RANBP17: variants seen among roughly 807,000 people sequenced by gnomAD.
The protein encoded by RANBP17 is ran-binding protein 17.
In RANBP17, 158 loss-of-function variants were observed where a neutral mutation model predicts 141.2. The ratio of observed to expected loss-of-function variants is 1.12; its 90% confidence interval spans 0.98 to 1.28. The LOEUF (loss-of-function observed/expected upper bound fraction) is 1.28. Among genes scored for constraint, RANBP17 ranks in the 50% most tolerant of loss-of-function variants. RANBP17 has a pLI of 0.00. For missense variants in RANBP17, 1,438 were observed against 1,290.7 expected, an observed-to-expected ratio of 1.11 and a Z score of -1.75; for synonymous variants, 430 against 450.0, an observed-to-expected ratio of 0.96 and a Z score of 0.56.
At chr5:170,962,863 G>C (rs1776250490) in intron 13 of RANBP17, among the ~76,000 whole-genome samples, 1 of 152,124 alleles carries the variant, frequency 6.6e-6, no homozygotes, top group African/African-American at 2.4e-5. Flanking sequence ...AAAAACGCTT[G>C]TCAAAATATT....
intron 1 of RANBP17, among the ~76,000 whole-genome samples, chr5:170,866,142 G>A (rs1211954712): frequency 2.0e-5 from 3 of 152,092 alleles, no homozygotes; most frequent in Non-Finnish European, 4.4e-5. Context: ...TGTTTCTGGT[G>A]TGGCCAGCCC....
chr5:171,037,536 T>A (rs1356065838), intron 14 of RANBP17, among the ~76,000 whole-genome samples: 2 of 152,238 alleles, frequency 1.3e-5, no homozygotes, highest in African/African-American at 2.4e-5. Flanking sequence ...AGAATGATGT[T>A]TCCTAGGTTT....
intron 1 of RANBP17, among the ~76,000 whole-genome samples, chr5:170,867,477 G>A (rs558430281): frequency 2.6e-5 from 4 of 152,174 alleles, no homozygotes; most frequent in Admixed American, 6.5e-5. Flanking sequence ...AGAATTCCAA[G>A]AGATCCAGAT....
At chr5:170,893,750 G>A (rs933094436) in intron 4 of RANBP17, among the ~76,000 whole-genome samples, 3 of 150,434 alleles carry the variant, frequency 2.0e-5, no homozygotes, top group Admixed American at 6.6e-5. Context: ...CGGAGATTGC[G>A]CCACTGCACT....
At chr5:171,111,848 C>T (rs944627997) in intron 14 of RANBP17, among the ~76,000 whole-genome samples, 6 of 152,164 alleles carry the variant, frequency 3.9e-5, no homozygotes, top group Non-Finnish European at 8.8e-5. Flanking sequence ...TTCCTTGTCT[C>T]TGGTCCCCTT....
chr5:171,299,055 C>T lies in RANBP17; in HGVS notation c.*197C>T. 1 of 468,242 alleles carries T rather than the reference C, an allele frequency of 2.1e-6. No individual in the cohort carries two copies. The highest frequency in any genetic ancestry group is 3.2e-5 in the East Asian group (1 of 31,172). 29.0% of individuals were successfully genotyped at this position (468,242 alleles called of 1,614,324 possible). ...AGTACCAGTGTAAATTCAGTCTTTT[C>T]TCTGAAAAGCAAAGGATGTGTTTTC... On this transcript the variant is annotated 3_prime_UTR_variant, in exon 28 of 28. Transcript: ENST00000523189.
intron 13 of RANBP17, among the ~76,000 whole-genome samples, chr5:170,961,747 A>T (rs767987586): frequency 6.6e-6 from 1 of 152,220 alleles, no homozygotes; most frequent in Non-Finnish European, 1.5e-5. Flanking sequence ...GGAATACTTA[A>T]CCTGTATATA....
intron 1 of RANBP17, among the ~76,000 whole-genome samples, chr5:170,870,357 C>T (rs1235743261): frequency 6.6e-6 from 1 of 151,986 alleles, no homozygotes. Context: ...TGTCCTCATG[C>T]TCTCTCTCCC....
At chr5:171,051,674 T>G (rs1365245903) in intron 14 of RANBP17, among the ~76,000 whole-genome samples, 1 of 152,188 alleles carries the variant, frequency 6.6e-6, no homozygotes, top group East Asian at 1.9e-4. Context: ...ACCTTTTGGC[T>G]CTTACAAGTA....
At chr5:171,158,601 C>T (rs530787635) in intron 14 of RANBP17, 1 of 171,528 alleles carries the variant, frequency 5.8e-6, no homozygotes, top group Admixed American at 6.4e-5. Flanking sequence ...CTGAGAATTG[C>T]AATTCTCAAG....
intron 25 of RANBP17, among the ~76,000 whole-genome samples, chr5:171,279,597 G>A (rs1767729771): frequency 6.6e-6 from 1 of 152,062 alleles, no homozygotes; most frequent in African/African-American, 2.4e-5. Flanking sequence ...TTCTTTTTGG[G>A]GGACACATTC....
chr5:171,038,162 TTG>T (rs61652416), intron 14 of RANBP17, among the ~76,000 whole-genome samples: 8,879 of 144,630 alleles, frequency 0.061, 249 homozygotes, highest in Middle Eastern at 0.067. Context: ...TTCTTAGGTA[TTG>T]TGTGTGTGTG....
In RANBP17 at chr5:171,195,724, A is replaced by T. The variant is rs150217055; in HGVS notation, c.2039-3946A>T. Reference sequence around the variant, plus strand: ...AAGCATGAGCTTGGGAGTAAAGCAGACCTGATTGGGAATCCTGGCTCGCTG... The same window carrying T: ...AAGCATGAGCTTGGGAGTAAAGCAGTCCTGATTGGGAATCCTGGCTCGCTG... On this transcript the variant is annotated intron_variant, in intron 18 of 27. Transcript: ENST00000523189. Among the ~76,000 whole-genome samples the T allele has an allele frequency of 8.6e-4, 131 of 152,292 alleles. 2 individuals are homozygous for T. In the East Asian group the frequency reaches 0.021, roughly 24 times the overall value.
chr5:171,194,262 A>T (rs1761831266), intron 18 of RANBP17, among the ~76,000 whole-genome samples: 1 of 152,190 alleles, frequency 6.6e-6, no homozygotes, highest in African/African-American at 2.4e-5. Flanking sequence ...GGTATTTAGT[A>T]TATTCAGAAT....
chr5:171,184,965 C>T lies in RANBP17; in HGVS notation c.2038+1535C>T, dbSNP rs562747477. On this transcript the variant is annotated intron_variant, in intron 18 of 27. Transcript: ENST00000523189. ...ATCACCTGAGGTCAGGAGTTCGAGA[C>T]CAGCCTGACCAACATGGTGAAACCC... Among the ~76,000 whole-genome samples the T allele has an allele frequency of 2.0e-5, 3 of 152,178 alleles. No individual in the cohort carries two copies. In the South Asian group the frequency reaches 6.2e-4, roughly 32 times the overall value.
At chr5:171,019,793 A>G (rs950366256) in intron 14 of RANBP17, among the ~76,000 whole-genome samples, 3 of 151,314 alleles carry the variant, frequency 2.0e-5, no homozygotes, top group African/African-American at 4.9e-5. Flanking sequence ...CTCTGGTCTT[A>G]GTTATTTCTT....
intron 10 of RANBP17, 27 bp from the exon 11 acceptor site, chr5:170,919,414 A>C: frequency 2.8e-6 from 4 of 1,453,842 alleles, no homozygotes; most frequent in Non-Finnish European, 3.7e-6. Flanking sequence ...TAATATTTTA[A>C]ATAACTTCTG....
intron 21 of RANBP17, among the ~76,000 whole-genome samples, chr5:171,218,070 AG>A (rs1763329109): frequency 6.6e-6 from 1 of 152,204 alleles, no homozygotes; most frequent in Non-Finnish European, 1.5e-5. Flanking sequence ...GCTGTGTCCC[AG>A]AGATTCTAGT....
chr5:171,200,551 A>G (rs938668153), intron 19 of RANBP17, among the ~76,000 whole-genome samples: 5 of 152,182 alleles, frequency 3.3e-5, no homozygotes, highest in African/African-American at 1.2e-4. Context: ...GACACTGATT[A>G]TTATTTTTAA....
Sources: allele counts gnomAD v4.1 joint callset (sites outside exome capture counted in the v4.1 genomes callset), GRCh38; gene constraint gnomAD v4.1.1; transcripts MANE v1.5; gene names NCBI Gene and HGNC (gene_info 2026-07-23, HGNC 2026-07-21).